The following MAGI2 variants were observed in gnomAD, a reference collection of about 807,000 sequenced individuals.
MAGI2 encodes the protein membrane associated guanylate kinase, WW and PDZ domain containing 2, also known as membrane-associated guanylate kinase, WW and PDZ domain-containing protein 2.
Under a neutral mutation model 133.3 loss-of-function variants are expected in MAGI2, and 35 were observed. The observed-to-expected ratio is 0.26, with a 90% CI of 0.20 to 0.35. The LOEUF is 0.35. Ranked by LOEUF, MAGI2 falls within the 10% of genes least tolerant of loss-of-function variation. MAGI2 has a pLI of 1.00. For missense variants in MAGI2, 1,636 were observed against 1,863.4 expected (o/e 0.88, Z 2.25); for synonymous variants, 729 against 710.6 (o/e 1.03, Z -0.41).
chr7:78,934,154 T>G (rs1800343818), intron 2 of MAGI2, among the ~76,000 whole-genome samples: 1 of 152,110 alleles, frequency 6.6e-6, no homozygotes, highest in Non-Finnish European at 1.5e-5. Context: ...CAGGCTAAAG[T>G]GCAATGGTGC....
intron 1 of MAGI2, among the ~76,000 whole-genome samples, chr7:79,395,896 C>A (rs965767909): frequency 1.3e-5 from 2 of 151,908 alleles, no homozygotes. Context: ...CAAAGGAGAC[C>A]GTCTAAAATA....
intron 9 of MAGI2, among the ~76,000 whole-genome samples, chr7:78,332,610 AT>A (rs1789335895): frequency 1.3e-5 from 2 of 151,382 alleles, no homozygotes; most frequent in African/African-American, 4.8e-5. Context: ...AGGCAGGAGA[AT>A]GGTGTGAACC....
intron 9 of MAGI2, among the ~76,000 whole-genome samples, chr7:78,298,999 T>TACAG (rs886715199): frequency 6.6e-6 from 1 of 151,488 alleles, no homozygotes; most frequent in Non-Finnish European, 1.5e-5. Context: ...TATTTTTTAG[T>TACAG]ACAGACAGGG....
intron 21 of MAGI2, among the ~76,000 whole-genome samples, chr7:78,050,519 G>A (rs961383560): frequency 6.6e-6 from 1 of 152,212 alleles, no homozygotes; most frequent in African/African-American, 2.4e-5. Context: ...GCTTTGAACA[G>A]CATCTAAATG....
intron 21 of MAGI2, among the ~76,000 whole-genome samples, chr7:78,043,330 G>GT (rs1811051512): frequency 6.6e-6 from 1 of 151,778 alleles, no homozygotes. Context: ...TGGTCCCATT[G>GT]TTTCTGCGTG....
chr7:79,160,147 A>C (rs1331832090), intron 1 of MAGI2, among the ~76,000 whole-genome samples: 2 of 152,116 alleles, frequency 1.3e-5, no homozygotes, highest in Non-Finnish European at 2.9e-5. Context: ...CACCACTGGA[A>C]ATTTATGTTA....
chr7:78,870,054 A>G (rs375319884), intron 2 of MAGI2, among the ~76,000 whole-genome samples: 13 of 152,244 alleles, frequency 8.5e-5, no homozygotes, highest in African/African-American at 2.4e-4. Flanking sequence ...CTTTTTGCTT[A>G]GTCTTTCTTT....
intron 2 of MAGI2, among the ~76,000 whole-genome samples, chr7:78,920,577 G>C (rs528652793): frequency 6.6e-6 from 1 of 152,182 alleles, no homozygotes; most frequent in East Asian, 1.9e-4. Flanking sequence ...TGAAATTTTA[G>C]TATGAGGAAA....
At chr7:78,284,840 A>G (rs1795986371) in intron 9 of MAGI2, among the ~76,000 whole-genome samples, 1 of 152,118 alleles carries the variant, frequency 6.6e-6, no homozygotes, top group African/African-American at 2.4e-5. Flanking sequence ...AAACACTGTT[A>G]TGTTTGAGCT....
intron 10 of MAGI2, among the ~76,000 whole-genome samples, chr7:78,204,242 C>T (rs930969215): frequency 6.6e-5 from 10 of 152,228 alleles, no homozygotes; most frequent in East Asian, 3.9e-4. Flanking sequence ...TGCTAAATTT[C>T]GCCTTTGCTG....
chr7:79,416,293 T>C (rs933971276), intron 1 of MAGI2, among the ~76,000 whole-genome samples: 4 of 151,962 alleles, frequency 2.6e-5, no homozygotes, highest in African/African-American at 9.7e-5. Flanking sequence ...TAGGAACATA[T>C]ACAAATGCAA....
intron 10 of MAGI2, among the ~76,000 whole-genome samples, chr7:78,202,906 T>A (rs1449398173): frequency 6.6e-6 from 1 of 152,118 alleles, no homozygotes; most frequent in East Asian, 1.9e-4. Context: ...TTTAATCGCA[T>A]CCTTTTTGGA....
chr7:79,057,910 G>A (rs1245207601), intron 1 of MAGI2, among the ~76,000 whole-genome samples: 2 of 151,618 alleles, frequency 1.3e-5, no homozygotes, highest in Non-Finnish European at 2.9e-5. Flanking sequence ...ATGGGCAGGT[G>A]ACTGTAAGTA....
At chr7:78,503,590 T>C (rs867220450) in intron 4 of MAGI2, among the ~76,000 whole-genome samples, 163 of 24,858 alleles carry the variant, frequency 6.6e-3, no homozygotes, top group Non-Finnish European at 9.5e-3. Context: ...CTCCTCCTCC[T>C]CCCCCTCCTC....
At chr7:79,215,229 A>G (rs1829923600) in intron 1 of MAGI2, among the ~76,000 whole-genome samples, 1 of 152,014 alleles carries the variant, frequency 6.6e-6, no homozygotes, top group Non-Finnish European at 1.5e-5. Context: ...GCAATAAGAT[A>G]CATCATAAAA....
intron 2 of MAGI2, among the ~76,000 whole-genome samples, chr7:78,861,401 T>C (rs1794148464): frequency 6.6e-6 from 1 of 152,224 alleles, no homozygotes. Flanking sequence ...CTGGGCTTTC[T>C]CCCCTTGAAC....
intron 1 of MAGI2, among the ~76,000 whole-genome samples, chr7:79,288,329 G>A (rs1454306706): frequency 1.3e-5 from 2 of 152,066 alleles, no homozygotes; most frequent in Admixed American, 1.3e-4. Context: ...ACATAATAGT[G>A]CCTGGTATAT....
intron 2 of MAGI2, among the ~76,000 whole-genome samples, chr7:78,881,443 G>C (rs892837642): frequency 7.1e-6 from 1 of 141,738 alleles, no homozygotes; most frequent in African/African-American, 2.6e-5. Flanking sequence ...TGGGGGGAGG[G>C]GGGAGGGATA....
chr7:78,708,842 C>T (rs1818900307), intron 2 of MAGI2, among the ~76,000 whole-genome samples: 1 of 136,662 alleles, frequency 7.3e-6, no homozygotes, highest in Non-Finnish European at 1.6e-5. Context: ...GGATTCCAAA[C>T]ACTTTGACTC....
Sources: gnomAD v4.1 joint callset for allele counts (sites outside exome capture counted in the v4.1 genomes callset) on GRCh38, gnomAD v4.1.1 for gene constraint, MANE v1.5 for transcripts, NCBI Gene and HGNC (gene_info 2026-07-23, HGNC 2026-07-21) for gene names.